The following PLD5 variants were observed in gnomAD, a reference collection of about 807,000 sequenced individuals.
The protein encoded by PLD5 is inactive phospholipase D5.
PLD5 carries 36 observed loss-of-function variants against 61.1 expected under a neutral mutation model. That is an observed-to-expected ratio of 0.59 (90% CI 0.45 to 0.78). The LOEUF is 0.78. PLD5 is among the 30% of genes least tolerant of loss of function. The pLI is 0.00. For synonymous variants in PLD5, 243 were observed against 242.8 expected (o/e 1.00, Z -0.01); for missense variants, 515 against 644.4 (o/e 0.80, Z 2.17).
At chr1:242,361,672 A>T (rs182794248) in intron 1 of PLD5, among the ~76,000 whole-genome samples, 143 of 152,360 alleles carry the variant, frequency 9.4e-4, no homozygotes, top group African/African-American at 2.5e-3. Context: ...TTGGTCAAGA[A>T]ATAAATATTA....
chr1:242,131,106 C>G (rs1277197724), intron 5 of PLD5, among the ~76,000 whole-genome samples: 1 of 152,076 alleles, frequency 6.6e-6, no homozygotes, highest in Non-Finnish European at 1.5e-5. Flanking sequence ...GAGATGGAGA[C>G]CATCCTGGCC....
At chr1:242,325,403 G>T (rs1658688592) in intron 2 of PLD5, among the ~76,000 whole-genome samples, 1 of 145,440 alleles carries the variant, frequency 6.9e-6, no homozygotes, top group Non-Finnish European at 1.5e-5. Flanking sequence ...AGAGAGTGGG[G>T]GTTGTGGGGG....
At chr1:242,096,766 TA>T (rs1660271820) in intron 9 of PLD5, among the ~76,000 whole-genome samples, 2 of 152,044 alleles carry the variant, frequency 1.3e-5, no homozygotes, top group Non-Finnish European at 2.9e-5. Flanking sequence ...TATTATATTT[TA>T]AGTTTTAGGG....
intron 4 of PLD5, among the ~76,000 whole-genome samples, chr1:242,226,355 C>G (rs1670943132): frequency 6.6e-6 from 1 of 152,170 alleles, no homozygotes; most frequent in Non-Finnish European, 1.5e-5. Context: ...GTGATGAGTC[C>G]AGATCTCTGC....
At position 242,159,168 on chromosome 1, in the gene PLD5, C is replaced by T. The variant is rs537794541; in HGVS notation, c.736-34503G>A. Among the ~76,000 whole-genome samples, 316 of 113,902 alleles carry T rather than the reference C, an allele frequency of 2.8e-3. 1 individual carries two copies. Among genetic ancestry groups the T allele is most frequent in the Middle Eastern group, 0.018 (4 of 228 alleles). 74.7% of individuals were successfully genotyped at this position (113,902 alleles called of 152,430 possible). ...TCTTGTATAAGACAGTATAGACGAA[C>T]GCAAATTTTTTTATGCTTGATAATA... On this transcript the variant is annotated intron_variant, in intron 5 of 9. Transcript: ENST00000536534.
At position 242,086,021 on chromosome 1, in the gene PLD5, G is replaced by A. The variant is rs929530059; in HGVS notation, c.*3833C>T. 5.9e-5 allele frequency: 9 copies of A among 152,110 alleles called. No individual in the cohort carries two copies. Among genetic ancestry groups the A allele is most frequent in the Non-Finnish European group, 1.2e-4 (8 of 68,040 alleles). 9.4% of individuals were successfully genotyped at this position (152,110 alleles called of 1,614,324 possible). On this transcript the variant is annotated 3_prime_UTR_variant, in exon 10 of 10. Coordinates refer to ENST00000536534, the MANE Select transcript of PLD5 (RefSeq NM_001372062.1). The stretch of plus-strand genomic sequence containing the variant: ...CTAAAAACAAACAGAATGAATCAGA[G>A]TCACTGAGTATAGCCACAGGCTGGT...
At chr1:242,250,347 A>T (rs1453200822) in intron 4 of PLD5, among the ~76,000 whole-genome samples, 1 of 152,192 alleles carries the variant, frequency 6.6e-6, no homozygotes, top group African/African-American at 2.4e-5. Flanking sequence ...AGAGGTAGAA[A>T]CACGCATTAC....
At chr1:242,393,857 C>T (rs1162593956) in intron 1 of PLD5, among the ~76,000 whole-genome samples, 2 of 146,642 alleles carry the variant, frequency 1.4e-5, no homozygotes, top group African/African-American at 2.5e-5. Flanking sequence ...GTCAGGAGTT[C>T]GAGACCAGCC....
chr1:242,447,472 TACTC>T (rs1365835412), intron 1 of PLD5, among the ~76,000 whole-genome samples: 3 of 152,276 alleles, frequency 2.0e-5, no homozygotes, highest in Admixed American at 6.5e-5. Flanking sequence ...AGTGGTCTCT[TACTC>T]ACTAAAATGA....
At chr1:242,211,257 T>C (rs547567281) in intron 5 of PLD5, among the ~76,000 whole-genome samples, 1 of 152,308 alleles carries the variant, frequency 6.6e-6, no homozygotes, top group East Asian at 1.9e-4. Context: ...ACAAACCTTC[T>C]TGGAAGGCCG....
At chr1:242,379,858 G>A (rs1662182461) in intron 1 of PLD5, among the ~76,000 whole-genome samples, 1 of 152,066 alleles carries the variant, frequency 6.6e-6, no homozygotes, top group Non-Finnish European at 1.5e-5. Context: ...CCAAGCATCT[G>A]CTTTTATTCT....
chr1:242,183,916 ATAAAT>A lies in PLD5; in HGVS notation c.735+36067_735+36071del, dbSNP rs1558316505. Among the ~76,000 whole-genome samples, 44 of 152,194 alleles carry A rather than the reference ATAAAT, an allele frequency of 2.9e-4. No individual in the cohort carries two copies. The East Asian group carries it at 7.4e-3, about 26-fold the overall frequency. On this transcript the variant is annotated intron_variant, in intron 5 of 9. Coordinates refer to ENST00000536534, the MANE Select transcript of PLD5 (RefSeq NM_001372062.1). ...TCTCAAAATAAATAAATAAATAAAA[ATAAAT>A]AAAAGAAACACCTAAGTTTGATTGT...
At chr1:242,158,320 G>A (rs1171045948) in intron 5 of PLD5, among the ~76,000 whole-genome samples, 1 of 152,086 alleles carries the variant, frequency 6.6e-6, no homozygotes, top group Admixed American at 6.5e-5. Context: ...GGAGTCAAGA[G>A]TTCTGTCTCG....
chr1:242,132,878 T>C (rs2148763603), intron 5 of PLD5, among the ~76,000 whole-genome samples: 1 of 152,260 alleles, frequency 6.6e-6, no homozygotes, highest in South Asian at 2.1e-4. Flanking sequence ...AAATTAAGGA[T>C]ACTGATGAGG....
chr1:242,394,947 G>GA (rs1446886022), intron 1 of PLD5, among the ~76,000 whole-genome samples: 1,641 of 99,398 alleles, frequency 0.017, 109 homozygotes, highest in East Asian at 0.066. Flanking sequence ...GAATATATAT[G>GA]ATTATATATG....
At chr1:242,095,066 AC>A (rs1354039309) in intron 9 of PLD5, among the ~76,000 whole-genome samples, 1 of 151,634 alleles carries the variant, frequency 6.6e-6, no homozygotes, top group Non-Finnish European at 1.5e-5. Flanking sequence ...CCTCCTGTGT[AC>A]CTGGGACTAC....
intron 1 of PLD5, among the ~76,000 whole-genome samples, chr1:242,488,754 A>G (rs1668045193): frequency 6.6e-6 from 1 of 152,162 alleles, no homozygotes; most frequent in African/African-American, 2.4e-5. Flanking sequence ...ATACTGTATC[A>G]ATATTGGCTC....
chr1:242,432,275 T>C (rs1346543994), intron 1 of PLD5, among the ~76,000 whole-genome samples: 1 of 152,162 alleles, frequency 6.6e-6, no homozygotes, highest in Non-Finnish European at 1.5e-5. Context: ...GGACACGGAA[T>C]AGCATCAATA....
chr1:242,183,405 T>C (rs891370665), intron 5 of PLD5, among the ~76,000 whole-genome samples: 18 of 152,106 alleles, frequency 1.2e-4, no homozygotes, highest in Non-Finnish European at 2.5e-4. Context: ...TAATGCTTTA[T>C]TTGTCAAATG....
Sources: allele counts gnomAD v4.1 joint callset (sites outside exome capture counted in the v4.1 genomes callset), GRCh38; gene constraint gnomAD v4.1.1; transcripts MANE v1.5; gene names NCBI Gene and HGNC (gene_info 2026-07-23, HGNC 2026-07-21).